Variants in VAC14 observed in about 807,000 individuals in gnomAD.
The protein encoded by VAC14 is protein VAC14 homolog.
In VAC14, 47 loss-of-function variants were observed where a neutral mutation model predicts 85.3. The observed-to-expected ratio is 0.55, with a 90% CI of 0.44 to 0.70. The LOEUF (loss-of-function observed/expected upper bound fraction) is 0.70, where lower values mean the gene tolerates loss of function less well. VAC14 is among the 30% of genes least tolerant of loss of function. The pLI is 0.00. For missense variants in VAC14, 861 were observed against 1,004.3 expected (o/e 0.86, Z 1.93); for synonymous variants, 447 against 430.5 (o/e 1.04, Z -0.47).
Position 70,781,079 on chromosome 16 carries a change from G to C in VAC14, c.947-140C>G, listed in dbSNP as rs112994632. 1.3e-4 allele frequency: 154 copies of C among 1,186,600 alleles called. No homozygotes were observed. In the Middle Eastern group the frequency reaches 1.7e-3, roughly 13 times the overall value. 73.5% of individuals were successfully genotyped at this position (1,186,600 alleles called of 1,614,324 possible). ...CATGGGGGTGGATCCCTCACAAATG[G>C]CTTGGTGCCCTCCCCATGGTACTGA... is the stretch of plus-strand genomic sequence containing the variant. On this transcript the variant is annotated intron_variant, in intron 8 of 18. Coordinates refer to ENST00000261776, the MANE Select transcript of VAC14 (RefSeq NM_018052.5).
intron 12 of VAC14, among the ~76,000 whole-genome samples, chr16:70,750,697 C>A (rs544621965): frequency 6.6e-6 from 1 of 152,140 alleles, no homozygotes; most frequent in Non-Finnish European, 1.5e-5. Context: ...CACAGGCTGT[C>A]GCCCCAGTGC....
chr16:70,737,779 G>A (rs958347005), intron 13 of VAC14, among the ~76,000 whole-genome samples: 1 of 152,232 alleles, frequency 6.6e-6, no homozygotes, highest in African/African-American at 2.4e-5. Context: ...TGGTTATGAC[G>A]TGAAGAAACC....
chr16:70,700,940 T>C (rs1044516476), intron 14 of VAC14, among the ~76,000 whole-genome samples: 1 of 152,078 alleles, frequency 6.6e-6, no homozygotes, highest in Non-Finnish European at 1.5e-5. Context: ...GGCAGGGTGG[T>C]GCCCATGTGA....
At chr16:70,785,606 G>C in intron 3 of VAC14, 96 bp downstream of exon 3, 1 of 1,407,754 alleles carries the variant, frequency 7.1e-7, no homozygotes, top group Non-Finnish European at 9.5e-7. Context: ...TGTTTGCTCT[G>C]CTTGCATCTG....
At chr16:70,755,169 C>A in intron 12 of VAC14, 1 of 305,414 alleles carries the variant, frequency 3.3e-6, no homozygotes, top group South Asian at 2.5e-5. Flanking sequence ...CCGGCCTCAG[C>A]GCTTCTGGGA....
intron 13 of VAC14, among the ~76,000 whole-genome samples, chr16:70,734,009 A>C (rs761100234): frequency 6.6e-5 from 10 of 151,958 alleles, no homozygotes; most frequent in Non-Finnish European, 1.0e-4. Context: ...TTTTTAGTAG[A>C]GGTGGGGTTT....
At chr16:70,737,264 C>T (rs376562851) in intron 13 of VAC14, among the ~76,000 whole-genome samples, 18 of 152,286 alleles carry the variant, frequency 1.2e-4, no homozygotes, top group Admixed American at 4.6e-4. Context: ...GGAGCCGGGA[C>T]GGGGCAGCTC....
At chr16:70,705,393 A>C (rs1221005971) in intron 14 of VAC14, among the ~76,000 whole-genome samples, 2 of 152,262 alleles carry the variant, frequency 1.3e-5, no homozygotes, top group African/African-American at 4.8e-5. Flanking sequence ...TGGTGGACGC[A>C]GCCTGCCTCT....
At chr16:70,763,375 G>T (rs2032563577) in intron 10 of VAC14, among the ~76,000 whole-genome samples, 1 of 152,198 alleles carries the variant, frequency 6.6e-6, no homozygotes, top group Non-Finnish European at 1.5e-5. Context: ...AGCCTGGCTT[G>T]CACAGGAGGA....
rs544110148 is a variant in VAC14, at chr16:70,744,613, C to A, written c.1372-34G>T. ...AGAAGCGGGGCAGGAGGGATGAGCT[C>A]TCCGCTGAGAGCTGTGCTGACCTGG... On this transcript the variant is annotated intron_variant, in intron 12 of 18. Coordinates refer to ENST00000261776, the MANE Select transcript of VAC14 (RefSeq NM_018052.5). The A allele has an allele frequency of 4.5e-6, 7 of 1,557,784 alleles. No homozygotes were observed. In the Admixed American group the frequency reaches 1.3e-4, roughly 29 times the overall value.
intron 14 of VAC14, among the ~76,000 whole-genome samples, chr16:70,703,412 G>C (rs1026421661): frequency 2.7e-5 from 4 of 150,770 alleles, no homozygotes; most frequent in Admixed American, 6.6e-5. Context: ...GGCTGGAGGA[G>C]GGCAGGGGTC....
chr16:70,703,648 C>A (rs560292435), intron 14 of VAC14, among the ~76,000 whole-genome samples: 1 of 152,320 alleles, frequency 6.6e-6, no homozygotes. Flanking sequence ...CCGTCTTGGG[C>A]TGCTGGCTGC....
chr16:70,733,204 T>C (rs974873166), intron 13 of VAC14, among the ~76,000 whole-genome samples: 2 of 152,198 alleles, frequency 1.3e-5, no homozygotes, highest in African/African-American at 4.8e-5. Context: ...GATTTGCCTA[T>C]TCTGGATGTT....
At position 70,784,855 on chromosome 16, in the gene VAC14, C is replaced by T. The variant is rs1291501317; in HGVS notation, c.424-17G>A. On this transcript the variant is annotated splice_polypyrimidine_tract_variant and intron_variant, in intron 3 of 18. Transcript: ENST00000261776. The stretch of plus-strand genomic sequence containing the variant: ...GGCTGCCAGCTGCAAGAGGCACAGA[C>T]AGGGGAGGGACACAGAGGCGAGGGT... 9 of 1,612,660 alleles carry T rather than the reference C, an allele frequency of 5.6e-6. No homozygotes were observed. The highest frequency in any genetic ancestry group is 2.2e-5 in the East Asian group (1 of 44,820).
chr16:70,729,911 AG>A (rs1260022232), intron 14 of VAC14, among the ~76,000 whole-genome samples: 1 of 152,132 alleles, frequency 6.6e-6, no homozygotes, highest in African/African-American at 2.4e-5. Flanking sequence ...AGCCTGGTAC[AG>A]CAAACTACTT....
chr16:70,753,858 G>C (rs1015183145), intron 12 of VAC14, among the ~76,000 whole-genome samples: 5 of 152,202 alleles, frequency 3.3e-5, no homozygotes, highest in Non-Finnish European at 7.3e-5. Context: ...GGCTCTAGGA[G>C]GTGTGAGTGA....
At chr16:70,750,272 G>A (rs1468503834) in intron 12 of VAC14, among the ~76,000 whole-genome samples, 2 of 152,212 alleles carry the variant, frequency 1.3e-5, no homozygotes, top group African/African-American at 4.8e-5. Flanking sequence ...CAAAGAAAGC[G>A]GGAGGAAGCC....
intron 14 of VAC14, among the ~76,000 whole-genome samples, chr16:70,727,615 G>A (rs2054467562): frequency 6.6e-6 from 1 of 152,248 alleles, no homozygotes; most frequent in African/African-American, 2.4e-5. Context: ...TGGGATTACA[G>A]GCATGAGCCA....
intron 10 of VAC14, chr16:70,766,491 G>A (rs1392426323): frequency 6.6e-6 from 3 of 456,664 alleles, no homozygotes; most frequent in Non-Finnish European, 1.3e-5. Context: ...TCTTCAGGCT[G>A]CTACTGAGGC....
Sources: gnomAD v4.1 joint callset for allele counts (sites outside exome capture counted in the v4.1 genomes callset) on GRCh38, gnomAD v4.1.1 for gene constraint, MANE v1.5 for transcripts, NCBI Gene and HGNC (gene_info 2026-07-23, HGNC 2026-07-21) for gene names.